MYH6: variants seen among roughly 807,000 people sequenced by gnomAD.
The protein encoded by MYH6 is myosin heavy chain 6.
Under a neutral mutation model 223.2 loss-of-function variants are expected in MYH6, and 126 were observed. The ratio of observed to expected loss-of-function variants is 0.56; its 90% CI spans 0.49 to 0.65. The LOEUF is 0.65. Among genes scored for constraint, MYH6 ranks in the 30% least tolerant of loss-of-function variants. The pLI is 0.00. For missense variants in MYH6, 2,040 were observed against 2,536.4 expected (o/e 0.80, Z 4.20); for synonymous variants, 978 against 1,010.2 (o/e 0.97, Z 0.61).
At chr14:23,392,749 C>A (rs1465560312) in intron 24 of MYH6, 97 bp from the exon 25 acceptor site, 3 of 1,442,226 alleles carry the variant, frequency 2.1e-6, no homozygotes, top group Non-Finnish European at 2.9e-6. Flanking sequence ...ATCGGCACCT[C>A]CCCCTCCCCT....
At chr14:23,388,804 G>T (rs533290759) in intron 29 of MYH6, 55 bp downstream of exon 29, 69 of 1,613,388 alleles carry the variant, frequency 4.3e-5, no homozygotes, top group Admixed American at 4.2e-4. Flanking sequence ...CCCACCCCAG[G>T]TCCTCTCGCC....
chr14:23,398,911 T>A lies in MYH6; in HGVS notation c.1708A>T (p.Ile570Phe), dbSNP rs1595060558. 2 of 1,614,128 alleles carry A rather than the reference T, an allele frequency of 1.2e-6. No individual in the cohort carries two copies. Among genetic ancestry groups the A allele is most frequent in the Non-Finnish European group, 1.7e-6 (2 of 1,180,020 alleles). ...AAGTGGGCTTCCTGCTTCCCCTTGATGTTGCGTGGCTTCTGGAAATTGTTG... is the reference window on the plus strand; with the variant it reads ...AAGTGGGCTTCCTGCTTCCCCTTGAAGTTGCGTGGCTTCTGGAAATTGTTG... ...KSNNFQKPRN[I>F]KGKQEAHFSL... is the part of the protein sequence containing the mutation. The change falls in exon 15 of 39, where the codon ATC becomes TTC. Residue 570 changes from isoleucine to phenylalanine, a missense_variant. Physicochemically the swap from Ile to Phe is conservative, Grantham distance 21. Transcript: ENST00000405093.
chr14:23,399,926 G>A, intron 14 of MYH6: 1 of 389,032 alleles, frequency 2.6e-6, no homozygotes, highest in Non-Finnish European at 4.9e-6. Context: ...GTGGTGGGAG[G>A]CCAAACATCT....
chr14:23,400,661 A>G, intron 13 of MYH6, 48 bp downstream of exon 13: 2 of 1,613,958 alleles, frequency 1.2e-6, no homozygotes, highest in Non-Finnish European at 8.5e-7. Flanking sequence ...TGTTGAATGT[A>G]GGAGCAAGCG....
intron 22 of MYH6, 26 bp downstream of exon 22, chr14:23,393,640 C>A (rs1566510019): frequency 2.5e-6 from 4 of 1,614,180 alleles, no homozygotes; most frequent in Non-Finnish European, 3.4e-6. Context: ...GAGACCTGGG[C>A]TGAAGCCAGA....
chr14:23,397,932 CTCTTCTTCTTCT>C (rs55907025), intron 15 of MYH6, among the ~76,000 whole-genome samples: 1,161 of 89,694 alleles, frequency 0.013, 49 homozygotes, highest in Non-Finnish European at 0.014. Context: ...CCTCCTCCTC[CTCTTCTTCTTCT>C]TCTTCTTCTT....
rs1891756183 is a variant in MYH6 at position 23,405,506 on chromosome 14, A to AG, written c.345+120dup. The AG allele has an allele frequency of 6.3e-7, 1 of 1,593,620 alleles. No individual in the cohort carries two copies. The highest frequency in any genetic ancestry group is 2.3e-5 in the East Asian group (1 of 44,434). On this transcript the variant is annotated intron_variant, in intron 4 of 38. Coordinates refer to ENST00000405093, the MANE Select transcript of MYH6 (RefSeq NM_002471.4). This position sits in a 1 kb window ranked among gnomAD's most constrained non-coding sequence, Gnocchi z 4.7. ...TCCTCCTGCAGCTGACTAGGGGTGG[A>AG]GGGGGGAAGGGGACTTGGGTCCCTT...
Position 23,383,339 on chromosome 14 carries a change from G to GCCCCCCCCCCC in MYH6, c.5566-20_5566-19insGGGGGGGGGGG. 3 of 108,192 alleles carry GCCCCCCCCCCC rather than the reference G, an allele frequency of 2.8e-5. No homozygotes were observed. Among genetic ancestry groups the GCCCCCCCCCCC allele is most frequent in the African/African-American group, 9.5e-5 (1 of 10,532 alleles). The allele number at this position is 108,192 out of a possible 1,614,324, so 6.7% of individuals were successfully genotyped here. ...CCTCTGTCTGGGGGTGGGAGGGTGG[G>GCCCCCCCCCCC]AGAAGCTGGTTTGGAGGGGGAGCAA... On this transcript the variant is annotated intron_variant, in intron 36 of 38. Transcript: ENST00000405093.
chr14:23,397,962 T>TTCTTCTTCTTCTTCC (rs1891470956), intron 15 of MYH6, among the ~76,000 whole-genome samples: 1 of 121,488 alleles, frequency 8.2e-6, no homozygotes, highest in East Asian at 2.4e-4. Context: ...CTTCTTCTTC[T>TTCTTCTTCTTCTTCC]TCTTCTTCTT....
intron 34 of MYH6, 91 bp from the exon 35 acceptor site, chr14:23,385,132 A>ATT (rs60237756): frequency 3.6e-4 from 519 of 1,426,952 alleles, no homozygotes; most frequent in Middle Eastern, 1.3e-3. Context: ...AAAGGTGGTC[A>ATT]TTTTTTTTTT....
At chr14:23,383,357 G>T in intron 36 of MYH6, 37 bp from the exon 37 acceptor site, 2 of 1,460,044 alleles carry the variant, frequency 1.4e-6, no homozygotes, top group East Asian at 2.3e-5. Context: ...GGTTTGGAGG[G>T]GGAGCAAATG....
chr14:23,385,148 A>T lies in MYH6; in HGVS notation c.5164-107T>A, dbSNP rs555381359. On this transcript the variant is annotated intron_variant, in intron 34 of 38. Coordinates refer to ENST00000405093, the MANE Select transcript of MYH6 (RefSeq NM_002471.4). ...AAGGTGGTCATTTTTTTTTTAAAACAACAAGCCCACTTTTAGACTATTGAT... is the reference window on the plus strand; with the variant it reads ...AAGGTGGTCATTTTTTTTTTAAAACTACAAGCCCACTTTTAGACTATTGAT... 1.9e-4 allele frequency: 252 copies of T among 1,333,896 alleles called. No individual in the cohort carries two copies. The East Asian group carries it at 5.1e-3, about 27-fold the overall frequency. 82.6% of individuals were successfully genotyped at this position (1,333,896 alleles called of 1,614,324 possible).
In MYH6 at chr14:23,407,071, A is replaced by G. The variant is rs1359276419; in HGVS notation, c.153T>C (p.Ile51=). 1 of 1,614,024 alleles carries G rather than the reference A, an allele frequency of 6.2e-7. No homozygotes were observed. Among genetic ancestry groups the G allele is most frequent in the Non-Finnish European group, 8.5e-7 (1 of 1,180,038 alleles). The change falls in exon 3 of 39, where the codon ATT becomes ATC. Residue 51 remains isoleucine, a synonymous_variant. Transcript: ENST00000405093. The surrounding 1 kb of genome is among the most constrained non-coding windows in gnomAD (Gnocchi z 5.6). The part of the protein sequence containing the change: ...DDKEEFVKAK[I]LSREGGKVIA... ...TGACCTTGCCTCCCTCCCGGGACAA[A>G]ATCTTGGCTTTGACAAACTCTTCCT...
chr14:23,404,434 C>T, intron 7 of MYH6, 46 bp from the exon 8 acceptor site: 1 of 1,608,016 alleles, frequency 6.2e-7, no homozygotes, highest in South Asian at 1.1e-5. Flanking sequence ...CATCCACCTC[C>T]AGGCAGTGGT....
rs199877580 is a variant in MYH6, at chr14:23,400,942, A to C, written c.1177T>G (p.Ser393Ala). 86 of 1,613,846 alleles carry C rather than the reference A, an allele frequency of 5.3e-5. No homozygotes were observed. The highest frequency in any genetic ancestry group is 6.6e-5 in the Non-Finnish European group (78 of 1,180,028). The change falls in exon 13 of 39, where the codon TCA becomes GCA. Residue 393 changes from serine to alanine, a missense_variant. Ser to Ala is a moderately conservative substitution (Grantham distance 99). This residue lies in a region of MYH6 where 649 missense variants were observed against 877.3 expected (regional missense o/e 0.74). Transcript: ENST00000405093. ...DKSAYLMGLNSADLLKGLCHP... is the reference protein window; with the variant it reads ...DKSAYLMGLNAADLLKGLCHP... ...CACAGCCCCTTGAGCAGGTCAGCTG[A>C]GTTCAGCCCCATGAGGTAGGCCGAC...
intron 21 of MYH6, 51 bp downstream of exon 21, chr14:23,394,017 T>C (rs554601490): frequency 1.2e-6 from 2 of 1,613,798 alleles, no homozygotes; most frequent in East Asian, 2.2e-5. Flanking sequence ...AGATGGGCTA[T>C]AATCTAGGGG....
intron 16 of MYH6, 73 bp downstream of exon 16, chr14:23,397,470 T>C: frequency 1.3e-6 from 2 of 1,527,330 alleles, no homozygotes; most frequent in Admixed American, 1.7e-5. Flanking sequence ...AGCATCAGAA[T>C]AGGTGGTGCA....
chr14:23,389,734 A>G lies in MYH6; in HGVS notation c.3733-15T>C. The G allele has an allele frequency of 6.2e-7, 1 of 1,614,124 alleles. No homozygotes were observed. Among genetic ancestry groups the G allele is most frequent in the Non-Finnish European group, 8.5e-7 (1 of 1,180,004 alleles). On this transcript the variant is annotated splice_polypyrimidine_tract_variant and intron_variant, in intron 26 of 38. Coordinates refer to ENST00000405093, the MANE Select transcript of MYH6 (RefSeq NM_002471.4). Reference sequence around the variant, plus strand: ...TCCAGGTTTGCCTTCAGGAAGCAAGACAGGAAGGGTGAGTGTGGGAGGGGC... The same window carrying G: ...TCCAGGTTTGCCTTCAGGAAGCAAGGCAGGAAGGGTGAGTGTGGGAGGGGC...
In MYH6 at chr14:23,400,855, A is replaced by G; in HGVS notation, c.1264T>C (p.Tyr422His). ...VTKGQSVQQV[Y>H]YSIGALAKAV... ...TTGGCCAGAGCCCCGATGGAGTAGTACACCTGCTGCACGCTCTGCCCCTTG... is the reference window on the plus strand; with the variant it reads ...TTGGCCAGAGCCCCGATGGAGTAGTGCACCTGCTGCACGCTCTGCCCCTTG... The change falls in exon 13 of 39, where the codon TAC (tyrosine) becomes CAC (histidine). Residue 422 changes from tyrosine (Y) to histidine (H), a missense_variant. Physicochemically the swap from Tyr to His is moderately conservative, Grantham distance 83. This residue lies in a region of MYH6 where 649 missense variants were observed against 877.3 expected (regional missense o/e 0.74). Coordinates refer to ENST00000405093, the MANE Select transcript of MYH6 (RefSeq NM_002471.4). 3.7e-6 allele frequency: 6 copies of G among 1,614,166 alleles called. No individual in the cohort carries two copies. The highest frequency in any genetic ancestry group is 5.1e-6 in the Non-Finnish European group (6 of 1,180,022).
Sources: allele counts gnomAD v4.1 joint callset (sites outside exome capture counted in the v4.1 genomes callset), GRCh38; gene constraint gnomAD v4.1.1; regional missense constraint gnomAD v4.1.1; non-coding constraint Gnocchi (gnomAD v3.1); transcripts MANE v1.5; gene names NCBI Gene and HGNC (gene_info 2026-07-23, HGNC 2026-07-21).